Variants in ZNF92 observed in about 807,000 individuals in gnomAD.
The protein encoded by ZNF92 is epididymis luminal protein 203.
In ZNF92, 11 loss-of-function variants were observed where a neutral mutation model predicts 12.4. That is an observed-to-expected ratio of 0.89 (90% CI 0.56 to 1.47). The LOEUF is 1.47. ZNF92 is among the 40% of genes most tolerant of loss of function. The probability of loss-of-function intolerance (pLI) is 0.00; values close to 1 mark genes in which losing one functional copy is unlikely to be tolerated. For missense variants in ZNF92, 622 were observed against 681.0 expected, an observed-to-expected ratio of 0.91 and a Z score of 0.96; for synonymous variants, 206 against 228.6, an observed-to-expected ratio of 0.90 and a Z score of 0.89.
chr7:65,399,609 CATAAG>C lies in ZNF92; in HGVS notation c.1500_1504del (p.Lys500AsnfsTer4), dbSNP rs1562800033. ...TAACCAGTCCTCAATTTTTACTAAA[CATAAG>C]ATAATTCACACTGAAGGGAAATCCT... On this transcript the variant is annotated frameshift_variant, in exon 4 of 4. Transcript: ENST00000328747. LOFTEE classifies it low-confidence loss of function (END_TRUNC). The C allele has an allele frequency of 3.7e-6, 6 of 1,613,698 alleles. No homozygotes were observed. The highest frequency in any genetic ancestry group is 1.7e-5 in the Admixed American group (1 of 59,988).
intron 2 of ZNF92, 24 bp downstream of exon 2, chr7:65,388,052 TA>T (rs2116372063): frequency 1.3e-6 from 2 of 1,570,662 alleles, no homozygotes; most frequent in Non-Finnish European, 1.7e-6. Flanking sequence ...CAATACACAA[TA>T]CACAATGCTC....
intron 1 of ZNF92, among the ~76,000 whole-genome samples, chr7:65,381,932 C>T (rs1424650777): frequency 1.3e-5 from 2 of 151,972 alleles, no homozygotes; most frequent in Non-Finnish European, 2.9e-5. Context: ...TGGTAGTGCT[C>T]AGAGTAGAGA....
intron 3 of ZNF92, among the ~76,000 whole-genome samples, chr7:65,390,767 A>G (rs1194808003): frequency 6.6e-6 from 1 of 151,896 alleles, no homozygotes; most frequent in Non-Finnish European, 1.5e-5. Context: ...ACTGGCCATA[A>G]ACTGTGGCTC....
intron 3 of ZNF92, among the ~76,000 whole-genome samples, chr7:65,392,496 C>T (rs1219738714): frequency 6.6e-6 from 1 of 150,732 alleles, no homozygotes; most frequent in East Asian, 1.9e-4. Context: ...CTGTAATCCT[C>T]AGATTTTGGG....
intron 1 of ZNF92, among the ~76,000 whole-genome samples, chr7:65,385,645 T>A (rs1793542322): frequency 6.6e-6 from 1 of 152,118 alleles, no homozygotes; most frequent in Non-Finnish European, 1.5e-5. Flanking sequence ...GAGCAGCTTA[T>A]TTTTCCTGAA....
Position 65,373,966 on chromosome 7 carries a change from C to T in ZNF92, c.-32C>T. ...CCTGCAAGAACTTGGAGGTTCACAG[C>T]TAAGACGCCAGGACCCCCTGGAAGC... On this transcript the variant is annotated 5_prime_UTR_variant, in exon 1 of 4. Coordinates refer to ENST00000328747, the MANE Select transcript of ZNF92 (RefSeq NM_152626.4). The T allele has an allele frequency of 3.1e-6, 5 of 1,614,062 alleles. No homozygotes were observed. The highest frequency in any genetic ancestry group is 4.2e-6 in the Non-Finnish European group (5 of 1,179,958).
At chr7:65,382,783 A>G (rs1271056365) in intron 1 of ZNF92, among the ~76,000 whole-genome samples, 1 of 152,094 alleles carries the variant, frequency 6.6e-6, no homozygotes, top group Non-Finnish European at 1.5e-5. Context: ...CTACCCATCC[A>G]GGACCTAAAC....
In ZNF92 at chr7:65,400,533, CA is replaced by C. The variant is rs1356351665; in HGVS notation, c.*659del. ...AAGTCTATGTAAATATCAGAATTCA[CA>C]GTAGAAATCATAAGGCATAAGGCAC... is the stretch of plus-strand genomic sequence containing the variant. On this transcript the variant is annotated 3_prime_UTR_variant, in exon 4 of 4. Transcript: ENST00000328747. 6.6e-6 allele frequency: 1 copy of C among 151,898 alleles called. No individual in the cohort carries two copies. Among genetic ancestry groups the C allele is most frequent in the Non-Finnish European group, 1.5e-5 (1 of 67,910 alleles). The allele number at this position is 151,898 out of a possible 1,614,324, so 9.4% of individuals were successfully genotyped here.
At chr7:65,383,201 C>A (rs1793470922) in intron 1 of ZNF92, among the ~76,000 whole-genome samples, 2 of 152,084 alleles carry the variant, frequency 1.3e-5, no homozygotes, top group African/African-American at 4.8e-5. Flanking sequence ...TCAAGCTTGG[C>A]CCAAGTGAAC....
intron 1 of ZNF92, among the ~76,000 whole-genome samples, chr7:65,386,069 G>T (rs567595147): frequency 6.6e-5 from 10 of 152,068 alleles, no homozygotes; most frequent in African/African-American, 2.4e-4. Flanking sequence ...ACCCAGGCTG[G>T]AGTGCAGCGG....
At chr7:65,391,354 C>A (rs1793704530) in intron 3 of ZNF92, among the ~76,000 whole-genome samples, 1 of 152,010 alleles carries the variant, frequency 6.6e-6, no homozygotes, top group Non-Finnish European at 1.5e-5. Flanking sequence ...TGTCACTCTT[C>A]CTATACATTT....
Position 65,373,929 on chromosome 7 carries a change from G to A in ZNF92, c.-69G>A. On this transcript the variant is annotated 5_prime_UTR_variant, in exon 1 of 4. It adds an upstream start codon to the 5' untranslated region. Coordinates refer to ENST00000328747, the MANE Select transcript of ZNF92 (RefSeq NM_152626.4). ...CCTGTGCTGATAAAGGCTCGCCGCT[G>A]TGACCCTGTTACCTGCAAGAACTTG... 1.2e-6 allele frequency: 2 copies of A among 1,610,310 alleles called. 1 individual carries two copies. Among genetic ancestry groups the A allele is most frequent in the Non-Finnish European group, 1.7e-6 (2 of 1,176,640 alleles).
intron 3 of ZNF92, among the ~76,000 whole-genome samples, chr7:65,394,599 T>C (rs1000115516): frequency 6.6e-6 from 1 of 152,154 alleles, no homozygotes; most frequent in Non-Finnish European, 1.5e-5. Context: ...AGAGATTATG[T>C]TGAATTTCTT....
At chr7:65,386,849 A>G (rs965814118) in intron 1 of ZNF92, among the ~76,000 whole-genome samples, 3 of 151,728 alleles carry the variant, frequency 2.0e-5, no homozygotes, top group Non-Finnish European at 4.4e-5. Flanking sequence ...GATATTAATG[A>G]TTCACTTGGT....
chr7:65,379,192 C>T (rs1210479883), intron 1 of ZNF92, among the ~76,000 whole-genome samples: 2 of 152,134 alleles, frequency 1.3e-5, no homozygotes, highest in African/African-American at 4.8e-5. Context: ...TTTTGACTGA[C>T]ATCGGCAGTG....
At chr7:65,374,055 A>AT in intron 1 of ZNF92, 55 bp downstream of exon 1, 1 of 1,612,494 alleles carries the variant, frequency 6.2e-7, no homozygotes, top group East Asian at 2.2e-5. Flanking sequence ...GCTGGAACCG[A>AT]TTGGAAGTGG....
chr7:65,399,245 C>T lies in ZNF92; in HGVS notation c.1131C>T (p.Ala377=), dbSNP rs549186972. The T allele has an allele frequency of 3.9e-5, 63 of 1,611,796 alleles. 1 individual carries two copies. In the South Asian group the frequency reaches 5.8e-4, roughly 15 times the overall value. The part of the protein sequence containing the change: ...KPYKCDECGK[A]FNQSSTLTKH... ...ACAAATGTGATGAATGTGGCAAAGC[C>T]TTTAACCAGTCCTCAACCCTTACTA... The change falls in exon 4 of 4, where the codon GCC becomes GCT. Residue 377 remains alanine (A), a synonymous_variant. Coordinates refer to ENST00000328747, the MANE Select transcript of ZNF92 (RefSeq NM_152626.4).
intron 1 of ZNF92, among the ~76,000 whole-genome samples, chr7:65,378,758 ATTTTTC>A (rs1793324223): frequency 6.7e-6 from 1 of 149,290 alleles, no homozygotes; most frequent in Non-Finnish European, 1.5e-5. Context: ...AAAAAAAAGT[ATTTTTC>A]TTTTGACCAC....
At chr7:65,391,196 A>C (rs767042706) in intron 3 of ZNF92, among the ~76,000 whole-genome samples, 1 of 151,924 alleles carries the variant, frequency 6.6e-6, no homozygotes, top group Non-Finnish European at 1.5e-5. Context: ...GCAATCTCCA[A>C]CCTCAATGTA....
Sources: allele counts gnomAD v4.1 joint callset (sites outside exome capture counted in the v4.1 genomes callset), GRCh38; gene constraint gnomAD v4.1.1; transcripts MANE v1.5; gene names NCBI Gene and HGNC (gene_info 2026-07-23, HGNC 2026-07-21).